Variants in HHIP observed in about 807,000 individuals in gnomAD.
HHIP encodes hedgehog interacting protein.
A neutral mutation model predicts 74.0 loss-of-function variants in HHIP; 12 were observed. The observed-to-expected ratio is 0.16, with a 90% CI of 0.10 to 0.26. HHIP has a LOEUF of 0.26. Among genes scored for constraint, HHIP ranks in the 10% least tolerant of loss-of-function variants. HHIP has a pLI of 1.00. For missense variants in HHIP, 788 were observed against 845.0 expected (o/e 0.93, Z 0.84); for synonymous variants, 309 against 311.6 (o/e 0.99, Z 0.09).
chr4:144,651,066 T>G (rs957905516), intron 1 of HHIP: 3 of 152,142 alleles, frequency 2.0e-5, no homozygotes, highest in Non-Finnish European at 4.4e-5. Flanking sequence ...TGCTATATGA[T>G]AAACAAACAG....
chr4:144,681,055 G>A (rs1729323470), intron 4 of HHIP, among the ~76,000 whole-genome samples: 1 of 152,078 alleles, frequency 6.6e-6, no homozygotes, highest in Non-Finnish European at 1.5e-5. Flanking sequence ...GTACATAAAA[G>A]TATCATGAAA....
chr4:144,690,833 C>G (rs950640362), intron 4 of HHIP, among the ~76,000 whole-genome samples: 1 of 151,952 alleles, frequency 6.6e-6, no homozygotes, highest in Admixed American at 6.6e-5. Context: ...CCAACAGAAA[C>G]AAAAAACTCT....
intron 4 of HHIP, chr4:144,660,163 G>C (rs1728673061): frequency 2.7e-6 from 1 of 371,414 alleles, no homozygotes; most frequent in African/African-American, 2.1e-5. Context: ...CTGTACATCA[G>C]CATTTGCTAG....
intron 4 of HHIP, among the ~76,000 whole-genome samples, chr4:144,701,158 A>T (rs991115104): frequency 3.3e-5 from 5 of 152,204 alleles, no homozygotes; most frequent in African/African-American, 9.6e-5. Flanking sequence ...ATTAATTCTT[A>T]AAAATTCCTT....
chr4:144,705,122 T>A (rs1440907862), intron 4 of HHIP, among the ~76,000 whole-genome samples: 1 of 152,216 alleles, frequency 6.6e-6, no homozygotes, highest in African/African-American at 2.4e-5. Flanking sequence ...TATTTGTATG[T>A]TCTGAAAGTT....
intron 4 of HHIP, among the ~76,000 whole-genome samples, chr4:144,703,204 A>C (rs1037910715): frequency 7.4e-6 from 1 of 134,972 alleles, no homozygotes; most frequent in Non-Finnish European, 1.6e-5. Flanking sequence ...AAAAGAATGA[A>C]ACTCCATCTC....
chr4:144,715,918 T>G (rs1017927892), intron 10 of HHIP, among the ~76,000 whole-genome samples: 8 of 152,314 alleles, frequency 5.3e-5, no homozygotes, highest in Admixed American at 2.6e-4. Flanking sequence ...ATGATCTGAG[T>G]GCAGATCTTC....
At chr4:144,667,685 A>G (rs1728914693) in intron 4 of HHIP, among the ~76,000 whole-genome samples, 1 of 152,206 alleles carries the variant, frequency 6.6e-6, no homozygotes, top group South Asian at 2.1e-4. Context: ...GACCCATAAG[A>G]ACTACAGCAA....
At chr4:144,652,353 A>G (rs751388075) in intron 1 of HHIP, among the ~76,000 whole-genome samples, 6 of 152,208 alleles carry the variant, frequency 3.9e-5, no homozygotes, top group African/African-American at 7.2e-5. Context: ...CCTGAAGTAC[A>G]GATGAAATCT....
intron 10 of HHIP, among the ~76,000 whole-genome samples, chr4:144,716,539 A>G (rs1730448065): frequency 6.6e-6 from 1 of 151,596 alleles, no homozygotes; most frequent in Non-Finnish European, 1.5e-5. Context: ...TCACTGGCAA[A>G]CAATGATTTC....
intron 10 of HHIP, among the ~76,000 whole-genome samples, chr4:144,717,519 A>G (rs1430428816): frequency 5.9e-5 from 9 of 152,242 alleles, no homozygotes; most frequent in Admixed American, 5.9e-4. Flanking sequence ...GGGGAGGACC[A>G]AATATAAATT....
At chr4:144,701,606 G>A (rs974315807) in intron 4 of HHIP, among the ~76,000 whole-genome samples, 1 of 151,994 alleles carries the variant, frequency 6.6e-6, no homozygotes, top group Non-Finnish European at 1.5e-5. Context: ...TTATCCCTAA[G>A]CACCAACACA....
chr4:144,704,277 C>T (rs1009332284), intron 4 of HHIP, among the ~76,000 whole-genome samples: 1 of 152,146 alleles, frequency 6.6e-6, no homozygotes, highest in African/African-American at 2.4e-5. Flanking sequence ...AAAATGAGAT[C>T]ATATGTAATG....
chr4:144,706,381 C>CT (rs1730135585), intron 4 of HHIP, 150 bp from the exon 5 acceptor site: 2 of 601,430 alleles, frequency 3.3e-6, no homozygotes, highest in Non-Finnish European at 5.7e-6. Flanking sequence ...TTTTATAATC[C>CT]TTTTTTGTGC....
At chr4:144,686,919 A>G (rs1192933456) in intron 4 of HHIP, among the ~76,000 whole-genome samples, 2 of 152,134 alleles carry the variant, frequency 1.3e-5, no homozygotes, top group Non-Finnish European at 2.9e-5. Flanking sequence ...AAACCCTTAA[A>G]AAGAAAGACG....
intron 4 of HHIP, among the ~76,000 whole-genome samples, chr4:144,703,884 T>G (rs1730057933): frequency 6.6e-6 from 1 of 152,196 alleles, no homozygotes. Context: ...AATCAACATA[T>G]TTCTTCATAA....
intron 4 of HHIP, among the ~76,000 whole-genome samples, chr4:144,691,915 T>C (rs1330736868): frequency 2.6e-5 from 4 of 152,140 alleles, no homozygotes; most frequent in African/African-American, 9.7e-5. Context: ...AATTTTCCTA[T>C]TAAAATGGAA....
At chr4:144,716,892 A>T (rs534049546) in intron 10 of HHIP, among the ~76,000 whole-genome samples, 1 of 148,224 alleles carries the variant, frequency 6.7e-6, no homozygotes, top group Non-Finnish European at 1.5e-5. Flanking sequence ...AAAAAAAGTA[A>T]AAGAATGGTT....
intron 4 of HHIP, among the ~76,000 whole-genome samples, chr4:144,684,882 G>T (rs1729446261): frequency 6.6e-6 from 1 of 152,138 alleles, no homozygotes; most frequent in Non-Finnish European, 1.5e-5. Context: ...CCTGGGTCTT[G>T]TACACATATT....
Sources: gnomAD v4.1 joint callset for allele counts (sites outside exome capture counted in the v4.1 genomes callset) on GRCh38, gnomAD v4.1.1 for gene constraint, MANE v1.5 for transcripts, NCBI Gene and HGNC (gene_info 2026-07-23, HGNC 2026-07-21) for gene names.